CPNE8: variants seen among roughly 807,000 people sequenced by gnomAD.
CPNE8 encodes the protein copine 8.
In CPNE8, 45 loss-of-function variants were observed where a neutral mutation model predicts 81.5. The ratio of observed to expected loss-of-function variants is 0.55; its 90% CI spans 0.44 to 0.71. The LOEUF (loss-of-function observed/expected upper bound fraction) is 0.71. CPNE8 is among the 30% of genes least tolerant of loss of function. CPNE8 has a pLI of 0.00. For synonymous variants in CPNE8, 252 were observed against 226.3 expected (o/e 1.11, Z -1.02); for missense variants, 594 against 672.1 (o/e 0.88, Z 1.28).
intron 3 of CPNE8, among the ~76,000 whole-genome samples, chr12:38,857,731 C>T (rs935925375): frequency 2.6e-5 from 4 of 151,962 alleles, no homozygotes; most frequent in South Asian, 2.1e-4. Flanking sequence ...GCCAACATGG[C>T]GAACCCCCAA....
At chr12:38,765,297 T>TA (rs941857120) in intron 8 of CPNE8, among the ~76,000 whole-genome samples, 8 of 152,146 alleles carry the variant, frequency 5.3e-5, no homozygotes, top group African/African-American at 1.9e-4. Context: ...AATAGTATTA[T>TA]AAAAATATAT....
At chr12:38,775,360 A>G (rs550258518) in intron 7 of CPNE8, among the ~76,000 whole-genome samples, 1 of 152,338 alleles carries the variant, frequency 6.6e-6, no homozygotes, top group East Asian at 1.9e-4. Flanking sequence ...ATAATAAAAT[A>G]AACTATGGCT....
In CPNE8 at chr12:38,905,587, G is replaced by A. The variant is rs890743859; in HGVS notation, c.-53C>T. ...CGGCGCCCACAACCACAGCTCGGGCGGACTGAGGGCTAGCTCCCGTCAGGC... is the reference window on the plus strand; with the variant it reads ...CGGCGCCCACAACCACAGCTCGGGCAGACTGAGGGCTAGCTCCCGTCAGGC... On this transcript the variant is annotated 5_prime_UTR_variant, in exon 1 of 20. Transcript: ENST00000331366. The A allele has an allele frequency of 3.2e-6, 5 of 1,539,146 alleles. No homozygotes were observed. The South Asian group carries it at 4.8e-5, about 15-fold the overall frequency.
rs568414355 is a variant in CPNE8 at position 38,670,328 on chromosome 12, C to T, written c.1506+401G>A. Among the ~76,000 whole-genome samples, 20 of 152,142 alleles carry T rather than the reference C, an allele frequency of 1.3e-4. No individual in the cohort carries two copies. In the South Asian group the frequency reaches 1.9e-3, roughly 14 times the overall value. The stretch of plus-strand genomic sequence containing the variant: ...TTATGCAACTATTAAGTTGAATTAA[C>T]GCCTTGCTTTCAATTATAATTTGAA... On this transcript the variant is annotated intron_variant, in intron 19 of 19. Transcript: ENST00000331366.
intron 6 of CPNE8, among the ~76,000 whole-genome samples, chr12:38,814,839 A>T (rs765399990): frequency 6.6e-6 from 1 of 152,070 alleles, no homozygotes; most frequent in Non-Finnish European, 1.5e-5. Context: ...TTTCTTGTTT[A>T]GTGTCCTCTT....
At chr12:38,789,703 A>T (rs1942278614) in intron 6 of CPNE8, among the ~76,000 whole-genome samples, 1 of 151,998 alleles carries the variant, frequency 6.6e-6, no homozygotes, top group African/African-American at 2.4e-5. Context: ...CCATCTGACA[A>T]GGGATTCATA....
intron 6 of CPNE8, among the ~76,000 whole-genome samples, chr12:38,799,346 C>T (rs1001718815): frequency 6.6e-6 from 1 of 152,148 alleles, no homozygotes; most frequent in African/African-American, 2.4e-5. Flanking sequence ...AACAAACTGT[C>T]TCTCAGACCA....
In CPNE8 at chr12:38,653,544, G is replaced by A. The variant is rs1472349644; in HGVS notation, c.*338C>T. ...CTGCTTTCCTATACACATAGCAGTC[G>A]AAGACAATATTTGAGTTAAAAACAC... On this transcript the variant is annotated 3_prime_UTR_variant, in exon 20 of 20. Transcript: ENST00000331366. 4.1e-5 allele frequency: 8 copies of A among 195,074 alleles called. No individual in the cohort carries two copies. The South Asian group carries it at 7.6e-4, about 19-fold the overall frequency. 12.1% of individuals were successfully genotyped at this position (195,074 alleles called of 1,614,324 possible).
intron 19 of CPNE8, among the ~76,000 whole-genome samples, chr12:38,659,977 A>G (rs1023261019): frequency 2.0e-5 from 3 of 152,216 alleles, no homozygotes; most frequent in Admixed American, 6.5e-5. Flanking sequence ...ACACAAATAA[A>G]TGGAAGAACA....
chr12:38,847,242 A>T (rs1317448542), intron 4 of CPNE8, among the ~76,000 whole-genome samples: 1 of 152,158 alleles, frequency 6.6e-6, no homozygotes, highest in Non-Finnish European at 1.5e-5. Flanking sequence ...AGAAAGGAAA[A>T]AACAAAGGGG....
At chr12:38,856,158 A>C (rs1943730628) in intron 3 of CPNE8, among the ~76,000 whole-genome samples, 1 of 152,066 alleles carries the variant, frequency 6.6e-6, no homozygotes, top group African/African-American at 2.4e-5. Flanking sequence ...AAAAGATAGG[A>C]AACTTGAACA....
chr12:38,894,576 A>G (rs1188711616), intron 1 of CPNE8, among the ~76,000 whole-genome samples: 1 of 151,824 alleles, frequency 6.6e-6, no homozygotes, highest in Non-Finnish European at 1.5e-5. Flanking sequence ...GGTAATTGAG[A>G]TGGGTTTAGC....
intron 6 of CPNE8, among the ~76,000 whole-genome samples, chr12:38,827,984 A>C (rs891081581): frequency 1.3e-5 from 2 of 152,172 alleles, no homozygotes; most frequent in Admixed American, 1.3e-4. Flanking sequence ...AAAGCTAACA[A>C]ATAAATAAAT....
chr12:38,906,348 A>G (rs751044388), upstream of CPNE8: 80 of 985,270 alleles, frequency 8.1e-5, no homozygotes, highest in Non-Finnish European at 9.3e-5. Context: ...GGCGGACTCT[A>G]AGGTGGAAAA....
chr12:38,729,410 A>T (rs965498183), intron 11 of CPNE8, among the ~76,000 whole-genome samples: 1 of 152,054 alleles, frequency 6.6e-6, no homozygotes, highest in Non-Finnish European at 1.5e-5. Flanking sequence ...CTATCTACAC[A>T]AAACATATTT....
intron 14 of CPNE8, among the ~76,000 whole-genome samples, chr12:38,697,645 C>G (rs554202641): frequency 6.6e-6 from 1 of 152,082 alleles, no homozygotes; most frequent in African/African-American, 2.4e-5. Context: ...TTTGTCCCCT[C>G]CAAATCTCAA....
chr12:38,902,336 G>GAA (rs1388363416), intron 1 of CPNE8, among the ~76,000 whole-genome samples: 1 of 63,550 alleles, frequency 1.6e-5, no homozygotes, highest in African/African-American at 9.5e-5. Context: ...AAGAAAGAAA[G>GAA]AAAGAAAGAA....
At chr12:38,789,498 A>G (rs1012184893) in intron 6 of CPNE8, among the ~76,000 whole-genome samples, 3 of 151,810 alleles carry the variant, frequency 2.0e-5, no homozygotes, top group African/African-American at 7.2e-5. Context: ...GAAACTATGA[A>G]AAAAGGAAAA....
chr12:38,774,510 A>C (rs1429865485), intron 7 of CPNE8, among the ~76,000 whole-genome samples: 2 of 152,146 alleles, frequency 1.3e-5, no homozygotes, highest in African/African-American at 4.8e-5. Context: ...TTAAATAATT[A>C]TGCTATATTT....
Sources: allele counts gnomAD v4.1 joint callset (sites outside exome capture counted in the v4.1 genomes callset), GRCh38; gene constraint gnomAD v4.1.1; transcripts MANE v1.5; gene names NCBI Gene and HGNC (gene_info 2026-07-23, HGNC 2026-07-21).